The following TTC39B variants were observed in gnomAD, a reference collection of about 807,000 sequenced individuals.
TTC39B encodes tetratricopeptide repeat protein 39B.
Under a neutral mutation model 96.6 loss-of-function variants are expected in TTC39B, and 92 were observed. That is an observed-to-expected ratio of 0.95 (90% confidence interval 0.80 to 1.13). The LOEUF (loss-of-function observed/expected upper bound fraction) is 1.13. Among genes scored for constraint, TTC39B ranks in the 50% most tolerant of loss-of-function variants. The probability of loss-of-function intolerance (pLI) is 0.00; values close to 1 mark genes in which losing one functional copy is unlikely to be tolerated. For synonymous variants in TTC39B, 367 were observed against 299.4 expected (o/e 1.23, Z -2.33); for missense variants, 955 against 809.3 (o/e 1.18, Z -2.18).
chr9:15,226,612 G>A (rs180815182), intron 2 of TTC39B, among the ~76,000 whole-genome samples: 13 of 152,176 alleles, frequency 8.5e-5, no homozygotes, highest in Middle Eastern at 3.4e-3. Context: ...ATACATTCCC[G>A]AAGGCAATGG....
intron 1 of TTC39B, among the ~76,000 whole-genome samples, chr9:15,284,277 A>G (rs1344766517): frequency 6.6e-6 from 1 of 152,276 alleles, no homozygotes; most frequent in Non-Finnish European, 1.5e-5. Flanking sequence ...GAGATGCCGG[A>G]AAATAAGCAT....
At chr9:15,232,850 C>T (rs1279305913) in intron 2 of TTC39B, among the ~76,000 whole-genome samples, 1 of 152,196 alleles carries the variant, frequency 6.6e-6, no homozygotes, top group Admixed American at 6.5e-5. Flanking sequence ...CGTTCTGCCA[C>T]TTCATTGGAA....
chr9:15,249,057 C>G (rs1455405156), intron 2 of TTC39B: 1 of 152,100 alleles, frequency 6.6e-6, no homozygotes, highest in Non-Finnish European at 1.5e-5. Flanking sequence ...AATAATATGA[C>G]TTTTATTCAA....
intron 2 of TTC39B, among the ~76,000 whole-genome samples, chr9:15,234,758 G>T (rs1200518043): frequency 6.6e-6 from 1 of 151,580 alleles, no homozygotes; most frequent in African/African-American, 2.4e-5. Flanking sequence ...TGAAACATGT[G>T]CTGTGTCCAC....
rs144742712 is a variant in TTC39B, at chr9:15,174,115, G to A, written c.1958+904C>T. ...TATTTCAGAATCAATCTATCCTGAA[G>A]TAACACCCAGGCACCATGTATCATA... On this transcript the variant is annotated intron_variant, in intron 19 of 19. Coordinates refer to ENST00000512701, the Ensembl canonical transcript of TTC39B. Among the ~76,000 whole-genome samples the A allele has an allele frequency of 2.3e-3, 347 of 152,268 alleles. 1 individual carries two copies. Among genetic ancestry groups the A allele is most frequent in the African/African-American group, 7.7e-3 (322 of 41,556 alleles).
chr9:15,267,919 G>C (rs1461520463), exon 2 of TTC39B: 2 of 1,609,816 alleles, frequency 1.2e-6, no homozygotes. Context: ...CTTACATTGA[G>C]ATGGTTTCCA....
intron 15 of TTC39B, among the ~76,000 whole-genome samples, chr9:15,186,385 T>C (rs1431210572): frequency 6.6e-6 from 1 of 152,142 alleles, no homozygotes; most frequent in Non-Finnish European, 1.5e-5. Flanking sequence ...AGCATCTTTA[T>C]GAAGAGACCA....
In TTC39B at chr9:15,194,452, C is replaced by T. The variant is rs530735636; in HGVS notation, c.825-1757G>A. Among the ~76,000 whole-genome samples, 48 of 152,114 alleles carry T rather than the reference C, an allele frequency of 3.2e-4. No homozygotes were observed. The Middle Eastern group carries it at 0.01, about 32-fold the overall frequency. On this transcript the variant is annotated intron_variant, in intron 8 of 19. Coordinates refer to ENST00000512701, the Ensembl canonical transcript of TTC39B. ...TTTTGAATTCCCAGGTAAGTATGTG[C>T]GTGTGTGTGTAAGTCCATGTGTGTG... is the stretch of plus-strand genomic sequence containing the variant.
chr9:15,238,247 G>A (rs891261521), intron 2 of TTC39B, among the ~76,000 whole-genome samples: 1 of 152,056 alleles, frequency 6.6e-6, no homozygotes, highest in Non-Finnish European at 1.5e-5. Flanking sequence ...ACATAATACT[G>A]GAAGTCCGAG....
intron 6 of TTC39B, among the ~76,000 whole-genome samples, chr9:15,208,391 A>T (rs970719169): frequency 2.0e-5 from 3 of 152,122 alleles, no homozygotes; most frequent in Non-Finnish European, 4.4e-5. Flanking sequence ...CAGCTAAAAA[A>T]AATCTCAAAT....
At chr9:15,285,106 A>G (rs929642722) in intron 1 of TTC39B, among the ~76,000 whole-genome samples, 34 of 152,004 alleles carry the variant, frequency 2.2e-4, no homozygotes, top group African/African-American at 7.2e-4. Context: ...CTCAAAATAC[A>G]AAAACAAAAT....
chr9:15,297,788 A>G (rs9657569), intron 1 of TTC39B, among the ~76,000 whole-genome samples: 57,640 of 151,496 alleles, frequency 0.38, 13,107 homozygotes, highest in East Asian at 0.6. Flanking sequence ...GCTCCCCACC[A>G]CTCCTCACTG....
intron 1 of TTC39B, among the ~76,000 whole-genome samples, chr9:15,298,212 G>A (rs1824450789): frequency 6.6e-6 from 1 of 152,146 alleles, no homozygotes; most frequent in Non-Finnish European, 1.5e-5. Context: ...AGGTTCTGAA[G>A]CCTTCATCCT....
intron 13 of TTC39B, among the ~76,000 whole-genome samples, chr9:15,188,918 C>G (rs1487610866): frequency 6.6e-6 from 1 of 151,834 alleles, no homozygotes; most frequent in Non-Finnish European, 1.5e-5. Context: ...TTGTAGTGGC[C>G]AAATGTCTAT....
chr9:15,272,991 A>G (rs539915854), intron 1 of TTC39B, among the ~76,000 whole-genome samples: 14 of 152,322 alleles, frequency 9.2e-5, no homozygotes, highest in Non-Finnish European at 1.3e-4. Context: ...TCCTGATCGT[A>G]GAACTGACAC....
chr9:15,195,886 A>G (rs537248627), intron 8 of TTC39B, among the ~76,000 whole-genome samples: 2 of 152,288 alleles, frequency 1.3e-5, no homozygotes, highest in African/African-American at 4.8e-5. Context: ...TGGCTTCAAA[A>G]CTTCAAAGGT....
intron 2 of TTC39B, among the ~76,000 whole-genome samples, chr9:15,256,298 C>T (rs183116422): frequency 2.6e-4 from 39 of 152,266 alleles, no homozygotes; most frequent in Non-Finnish European, 5.0e-4. Flanking sequence ...AATCTGCTGC[C>T]ACTTTACTCT....
chr9:15,284,804 T>C (rs1823896763), intron 1 of TTC39B, among the ~76,000 whole-genome samples: 1 of 152,070 alleles, frequency 6.6e-6, no homozygotes, highest in African/African-American at 2.4e-5. Context: ...TCTTTTACAG[T>C]GAGAATAATT....
At chr9:15,182,555 T>C in intron 16 of TTC39B, 140 bp from the exon 17 acceptor site, 1 of 522,672 alleles carries the variant, frequency 1.9e-6, no homozygotes, top group East Asian at 3.2e-5. Flanking sequence ...TCCTTTGCTT[T>C]TGCCTTTTAT....
Sources: gnomAD v4.1 joint callset for allele counts (sites outside exome capture counted in the v4.1 genomes callset) on GRCh38, gnomAD v4.1.1 for gene constraint, MANE v1.5 for transcripts, NCBI Gene and HGNC (gene_info 2026-07-23, HGNC 2026-07-21) for gene names.